Variants in HS2ST1 observed in about 807,000 individuals in gnomAD.
HS2ST1 encodes 2-O-sulfotransferase.
In HS2ST1, 18 loss-of-function variants were observed where a neutral mutation model predicts 42.9. That is an observed-to-expected ratio of 0.42 (90% CI 0.29 to 0.62). HS2ST1 has a LOEUF of 0.62. Ranked by LOEUF, HS2ST1 falls within the 20% of genes least tolerant of loss-of-function variation. The pLI, the probability that HS2ST1 is intolerant of heterozygous loss-of-function variation, is 0.21. For synonymous variants in HS2ST1, 146 were observed against 152.9 expected (o/e 0.95, Z 0.33); for missense variants, 334 against 433.8 (o/e 0.77, Z 2.04).
At chr1:86,933,518 GTC>G (rs1420018866) in intron 1 of HS2ST1, among the ~76,000 whole-genome samples, 1 of 152,054 alleles carries the variant, frequency 6.6e-6, no homozygotes, top group Non-Finnish European at 1.5e-5. Context: ...GAGTTTCCAT[GTC>G]TCTGCCTACA....
At chr1:86,983,801 G>T (rs1648671612) in intron 1 of HS2ST1, among the ~76,000 whole-genome samples, 1 of 152,108 alleles carries the variant, frequency 6.6e-6, no homozygotes, top group Admixed American at 6.5e-5. Flanking sequence ...CCAGCCCTTT[G>T]GGAGGCCGAG....
chr1:87,017,997 A>G (rs970287458), intron 1 of HS2ST1, among the ~76,000 whole-genome samples: 4 of 152,096 alleles, frequency 2.6e-5, no homozygotes, highest in Non-Finnish European at 4.4e-5. Flanking sequence ...AGGTTTTCTC[A>G]TCCTTGACTC....
intron 1 of HS2ST1, among the ~76,000 whole-genome samples, chr1:86,974,347 T>C (rs1648325371): frequency 6.6e-6 from 1 of 152,176 alleles, no homozygotes. Flanking sequence ...CTAGGTTGCA[T>C]TGAAATGAGT....
chr1:86,999,358 A>G (rs1005149881), intron 1 of HS2ST1, among the ~76,000 whole-genome samples: 1 of 151,946 alleles, frequency 6.6e-6, no homozygotes, highest in Non-Finnish European at 1.5e-5. Flanking sequence ...TTGTATTTTC[A>G]GTAGAGGCAG....
chr1:86,973,904 T>C (rs1648312347), intron 1 of HS2ST1, among the ~76,000 whole-genome samples: 1 of 152,208 alleles, frequency 6.6e-6, no homozygotes. Context: ...CAATTTAGCA[T>C]TTGCAGAGCA....
At chr1:87,018,667 A>C (rs140124012) in intron 1 of HS2ST1, among the ~76,000 whole-genome samples, 21 of 152,276 alleles carry the variant, frequency 1.4e-4, no homozygotes, top group African/African-American at 4.8e-4. Context: ...CTTCTGTGCC[A>C]TCCAGTGAGC....
At chr1:86,936,387 A>C (rs546999703) in intron 1 of HS2ST1, among the ~76,000 whole-genome samples, 1 of 152,312 alleles carries the variant, frequency 6.6e-6, no homozygotes, top group East Asian at 1.9e-4. Flanking sequence ...TTTTTGTATA[A>C]TAGTCCTCGA....
At chr1:86,965,304 A>G (rs1648012882) in intron 1 of HS2ST1, among the ~76,000 whole-genome samples, 1 of 151,618 alleles carries the variant, frequency 6.6e-6, no homozygotes, top group South Asian at 2.1e-4. Flanking sequence ...ATTAGTTCCC[A>G]CTTGAGGCAT....
chr1:87,044,886 G>T, intron 1 of HS2ST1: 1 of 1,266,420 alleles, frequency 7.9e-7, no homozygotes, highest in Non-Finnish European at 1.1e-6. Flanking sequence ...GTTCTGCCTA[G>T]ATAAACTAAG....
In HS2ST1 at chr1:87,107,792, T is replaced by C. The variant is rs1330012746; in HGVS notation, c.*3096T>C. 2.6e-5 allele frequency: 4 copies of C among 152,022 alleles called. No individual in the cohort carries two copies. The East Asian group carries it at 5.8e-4, about 22-fold the overall frequency. The allele number at this position is 152,022 out of a possible 1,614,324, so 9.4% of individuals were successfully genotyped here. A position where few individuals can be genotyped will look rare whatever the true frequency, so the allele number is the denominator to read the frequency against. ...AATCTAATGGGAAGTAAAATATATT[T>C]TGATTTTACCCAGCTTAATCTGTAA... is the stretch of plus-strand genomic sequence containing the variant. On this transcript the variant is annotated 3_prime_UTR_variant, in exon 7 of 7. Coordinates refer to ENST00000370550, the MANE Select transcript of HS2ST1 (RefSeq NM_012262.4).
At chr1:87,070,221 A>C (rs1267387720) in intron 1 of HS2ST1, among the ~76,000 whole-genome samples, 2 of 152,128 alleles carry the variant, frequency 1.3e-5, no homozygotes, top group African/African-American at 2.4e-5. Flanking sequence ...AGAAAAGGGG[A>C]GGGTGTTTGG....
rs1652310972 is a variant in HS2ST1, at chr1:87,105,682, C to T, written c.*986C>T. ...ATATTGCATATTTTATGTATTTGGA[C>T]CAAAAGGTTACAAGTAATTAGACAA... On this transcript the variant is annotated 3_prime_UTR_variant, in exon 7 of 7. Coordinates refer to ENST00000370550, the MANE Select transcript of HS2ST1 (RefSeq NM_012262.4). 6.6e-6 allele frequency: 1 copy of T among 152,308 alleles called. No individual in the cohort carries two copies. Among genetic ancestry groups the T allele is most frequent in the Non-Finnish European group, 1.5e-5 (1 of 67,886 alleles). 9.4% of individuals were successfully genotyped at this position (152,308 alleles called of 1,614,324 possible).
chr1:86,966,398 A>G (rs1339355657), intron 1 of HS2ST1, among the ~76,000 whole-genome samples: 1 of 152,154 alleles, frequency 6.6e-6, no homozygotes, highest in Non-Finnish European at 1.5e-5. Context: ...TCTGAACAAT[A>G]TTTATAACAG....
At chr1:87,033,964 TG>T (rs1434256592) in intron 1 of HS2ST1, among the ~76,000 whole-genome samples, 8 of 152,238 alleles carry the variant, frequency 5.3e-5, no homozygotes, top group Non-Finnish European at 1.2e-4. Context: ...GGGACAGGAA[TG>T]GAAAAATTAC....
At chr1:86,988,364 G>A (rs1648850772) in intron 1 of HS2ST1, among the ~76,000 whole-genome samples, 2 of 152,196 alleles carry the variant, frequency 1.3e-5, no homozygotes, top group Admixed American at 6.5e-5. Flanking sequence ...CAGTATCAAC[G>A]TAGATCCAGA....
chr1:86,979,899 C>G (rs888213089), intron 1 of HS2ST1, among the ~76,000 whole-genome samples: 4 of 152,098 alleles, frequency 2.6e-5, no homozygotes, highest in African/African-American at 9.7e-5. Flanking sequence ...AGTAGCCATC[C>G]TAAAGGTCAT....
intron 1 of HS2ST1, chr1:87,064,355 C>G: frequency 5.1e-6 from 2 of 394,010 alleles, no homozygotes; most frequent in South Asian, 4.1e-5. Flanking sequence ...ACTGTCTTCT[C>G]TTTTAGAGTC....
intron 1 of HS2ST1, among the ~76,000 whole-genome samples, chr1:86,990,490 T>C (rs1648910817): frequency 1.3e-5 from 2 of 151,988 alleles, no homozygotes; most frequent in Non-Finnish European, 2.9e-5. Context: ...AGAAAAAGGA[T>C]CAAAGGGGAT....
At chr1:86,963,414 GCC>G in intron 1 of HS2ST1, among the ~76,000 whole-genome samples, 1 of 152,212 alleles carries the variant, frequency 6.6e-6, no homozygotes, top group African/African-American at 2.4e-5. Flanking sequence ...ATCTTGCACT[GCC>G]CTTAATCCAT....
Sources: allele counts gnomAD v4.1 joint callset (sites outside exome capture counted in the v4.1 genomes callset), GRCh38; gene constraint gnomAD v4.1.1; transcripts MANE v1.5; gene names NCBI Gene and HGNC (gene_info 2026-07-23, HGNC 2026-07-21).